The following NEDD9 variants were observed in gnomAD, a reference collection of about 807,000 sequenced individuals.
The protein encoded by NEDD9 is neural precursor cell expressed, developmentally down-regulated 9.
NEDD9 carries 26 observed loss-of-function variants against 76.6 expected under a neutral mutation model. That is an observed-to-expected ratio of 0.34 (90% CI 0.25 to 0.47). NEDD9 has a LOEUF of 0.47. NEDD9 is among the 20% of genes least tolerant of loss of function. The pLI is 1.00. For missense variants in NEDD9, 937 were observed against 1,058.5 expected, an observed-to-expected ratio of 0.89 and a Z score of 1.59; for synonymous variants, 392 against 414.2, an observed-to-expected ratio of 0.95 and a Z score of 0.65.
intron 2 of NEDD9, among the ~76,000 whole-genome samples, chr6:11,210,229 A>G (rs1245568907): frequency 6.6e-6 from 1 of 152,140 alleles, no homozygotes; most frequent in Non-Finnish European, 1.5e-5. Context: ...GACCTACTGG[A>G]TTAATTTCTC....
intron 3 of NEDD9, among the ~76,000 whole-genome samples, chr6:11,239,984 C>T (rs1025281262): frequency 6.9e-5 from 10 of 144,230 alleles, no homozygotes; most frequent in Non-Finnish European, 1.3e-4. Flanking sequence ...GCGGAGATTT[C>T]AGTGAGCCAA....
intron 3 of NEDD9, among the ~76,000 whole-genome samples, chr6:11,283,825 G>A (rs890030218): frequency 5.3e-5 from 8 of 152,188 alleles, no homozygotes; most frequent in Admixed American, 2.0e-4. Flanking sequence ...GTGTCAGCAA[G>A]CCAGGAGGGA....
At chr6:11,282,788 G>A (rs1435135186) in intron 3 of NEDD9, among the ~76,000 whole-genome samples, 1 of 152,178 alleles carries the variant, frequency 6.6e-6, no homozygotes, top group Non-Finnish European at 1.5e-5. Flanking sequence ...CTCCTCGCTG[G>A]CTGTCCTGCT....
intron 3 of NEDD9, among the ~76,000 whole-genome samples, chr6:11,260,233 A>G (rs941673570): frequency 3.9e-5 from 6 of 152,224 alleles, no homozygotes; most frequent in Admixed American, 3.9e-4. Context: ...TAAACAGAGT[A>G]GAGAATGTAC....
chr6:11,188,389 A>G, intron 5 of NEDD9, 82 bp from the exon 6 acceptor site: 1 of 1,175,298 alleles, frequency 8.5e-7, no homozygotes, highest in African/African-American at 1.5e-5. Flanking sequence ...GGATGAGTAA[A>G]TACTCTTTAT....
At chr6:11,284,621 G>A (rs910146758) in intron 3 of NEDD9, among the ~76,000 whole-genome samples, 55 of 151,468 alleles carry the variant, frequency 3.6e-4, no homozygotes, top group African/African-American at 1.3e-3. Context: ...AGCAAATTCA[G>A]TTCAGCTTCG....
At chr6:11,318,349 A>G (rs937371795) in intron 2 of NEDD9, among the ~76,000 whole-genome samples, 2 of 152,200 alleles carry the variant, frequency 1.3e-5, no homozygotes, top group Non-Finnish European at 2.9e-5. Context: ...AGAAAAATAG[A>G]AAAGAAGGAA....
At chr6:11,369,620 G>A (rs1447270789) in intron 1 of NEDD9, among the ~76,000 whole-genome samples, 1 of 152,144 alleles carries the variant, frequency 6.6e-6, no homozygotes, top group African/African-American at 2.4e-5. Flanking sequence ...TGCAGAAAGT[G>A]AACCTGTCTT....
intron 1 of NEDD9, among the ~76,000 whole-genome samples, chr6:11,341,454 G>A (rs1762271881): frequency 6.6e-6 from 1 of 152,214 alleles, no homozygotes; most frequent in Non-Finnish European, 1.5e-5. Context: ...TCAGTCCACG[G>A]CTGAGGGCTT....
chr6:11,317,439 A>G (rs75125265), intron 2 of NEDD9, among the ~76,000 whole-genome samples: 11,821 of 151,802 alleles, frequency 0.078, 598 homozygotes, highest in Admixed American at 0.16. Flanking sequence ...AAAAAAAAAA[A>G]AGATAGATAG....
intron 1 of NEDD9, among the ~76,000 whole-genome samples, chr6:11,221,767 C>T (rs537264413): frequency 2.6e-5 from 4 of 152,200 alleles, no homozygotes; most frequent in Admixed American, 2.0e-4. Context: ...GTCAAAAATG[C>T]GGGGCAGGCA....
chr6:11,232,403 G>T, intron 1 of NEDD9, 101 bp downstream of exon 1: 2 of 1,436,388 alleles, frequency 1.4e-6, no homozygotes, highest in South Asian at 2.3e-5. Context: ...AACTCTCCGG[G>T]ACACACAAGG....
chr6:11,249,345 A>G (rs1759869165), intron 3 of NEDD9: 1 of 380,234 alleles, frequency 2.6e-6, no homozygotes, highest in Non-Finnish European at 5.2e-6. Context: ...GGGTTGGTTC[A>G]GGGCTCTATA....
chr6:11,298,861 C>T (rs548137459), intron 3 of NEDD9, among the ~76,000 whole-genome samples: 11 of 152,228 alleles, frequency 7.2e-5, no homozygotes, highest in Admixed American at 3.3e-4. Flanking sequence ...TCACAGTAAG[C>T]GGGCTATTGT....
chr6:11,325,354 CAA>C (rs34414648), intron 2 of NEDD9, among the ~76,000 whole-genome samples: 19 of 92,550 alleles, frequency 2.1e-4, no homozygotes, highest in South Asian at 3.2e-4. Flanking sequence ...GACTCTGTCT[CAA>C]AAAAAAAAAA....
At chr6:11,294,448 A>T (rs574993410) in intron 3 of NEDD9, among the ~76,000 whole-genome samples, 2 of 152,078 alleles carry the variant, frequency 1.3e-5, no homozygotes, top group South Asian at 4.2e-4. Context: ...GAGAGTGTGT[A>T]GCACTTCCCC....
At chr6:11,253,192 T>C (rs894933051) in intron 3 of NEDD9, among the ~76,000 whole-genome samples, 2 of 152,188 alleles carry the variant, frequency 1.3e-5, no homozygotes, top group Non-Finnish European at 1.5e-5. Context: ...GGCACTTTCA[T>C]GAATGTGCGC....
rs948896067 is a variant in NEDD9, at chr6:11,298,984, C to T, written c.12+7008G>A. ...GGCACCTGATTCATCTCACTGGGAC[C>T]GGTTGGACAGTGGATGCAGCCCATG... On this transcript the variant is annotated intron_variant, in intron 3 of 3. Coordinates refer to the NEDD9 transcript ENST00000397378. 5.3e-5 allele frequency among the ~76,000 whole-genome samples: 8 copies of T among 152,236 alleles called. No individual in the cohort carries two copies. The East Asian group carries it at 5.8e-4, about 11-fold the overall frequency.
At chr6:11,348,031 A>G (rs1471916974) in intron 1 of NEDD9, among the ~76,000 whole-genome samples, 1 of 152,232 alleles carries the variant, frequency 6.6e-6, no homozygotes, top group Non-Finnish European at 1.5e-5. Flanking sequence ...TCCTATAGCT[A>G]GAAAACCCCA....
Sources: gnomAD v4.1 joint callset for allele counts (sites outside exome capture counted in the v4.1 genomes callset) on GRCh38, gnomAD v4.1.1 for gene constraint, MANE v1.5 for transcripts, NCBI Gene and HGNC (gene_info 2026-07-23, HGNC 2026-07-21) for gene names.